The following RGS7BP variants were observed in gnomAD, a reference collection of about 807,000 sequenced individuals.
RGS7BP encodes regulator of G protein signaling 7-binding protein.
In RGS7BP, 9 loss-of-function variants were observed where a neutral mutation model predicts 31.3. The ratio of observed to expected loss-of-function variants is 0.29; its 90% CI spans 0.17 to 0.50. The LOEUF is 0.50. Ranked by LOEUF, RGS7BP falls within the 20% of genes least tolerant of loss-of-function variation. The pLI, the probability that RGS7BP is intolerant of heterozygous loss-of-function variation, is 0.98. For synonymous variants in RGS7BP, 115 were observed against 120.1 expected, an observed-to-expected ratio of 0.96 and a Z score of 0.28; for missense variants, 274 against 322.0, an observed-to-expected ratio of 0.85 and a Z score of 1.14.
At chr5:64,508,602 AAGTT>A (rs1278679238) in intron 2 of RGS7BP, among the ~76,000 whole-genome samples, 2 of 152,152 alleles carry the variant, frequency 1.3e-5, no homozygotes, top group East Asian at 3.8e-4. Flanking sequence ...ATTGGGGAAA[AAGTT>A]AGCCATGGAT....
rs117226985 is a variant in RGS7BP at position 64,516,350 on chromosome 5, T to C, written c.332+8473T>C. 1.7e-4 allele frequency among the ~76,000 whole-genome samples: 26 copies of C among 152,270 alleles called. No individual in the cohort carries two copies. In the East Asian group the frequency reaches 4.4e-3, roughly 26 times the overall value. ...ACCAAGTCCTGTAGTGCTTTATCTT[T>C]TTCAGTGTCTATTGTGTCCCTTCTT... On this transcript the variant is annotated intron_variant, in intron 2 of 5. Transcript: ENST00000334025.
intron 2 of RGS7BP, among the ~76,000 whole-genome samples, chr5:64,568,782 GTT>G (rs1554056553): frequency 2.9e-5 from 4 of 137,548 alleles, no homozygotes; most frequent in Admixed American, 7.1e-5. Context: ...GATGGTTATT[GTT>G]TTTTTTTTTT....
At chr5:64,601,464 G>T in intron 5 of RGS7BP, 1 of 981,530 alleles carries the variant, frequency 1.0e-6, no homozygotes, top group Non-Finnish European at 1.2e-6. Context: ...AAGAAAGGAA[G>T]GTGGCCAAGG....
intron 3 of RGS7BP, among the ~76,000 whole-genome samples, chr5:64,576,941 T>G (rs1249218695): frequency 6.6e-6 from 1 of 152,194 alleles, no homozygotes; most frequent in Non-Finnish European, 1.5e-5. Flanking sequence ...AGGTAATCCT[T>G]GCCTATGATT....
At chr5:64,586,341 C>T (rs1742751239) in intron 3 of RGS7BP, among the ~76,000 whole-genome samples, 1 of 152,118 alleles carries the variant, frequency 6.6e-6, no homozygotes, top group Admixed American at 6.6e-5. Context: ...CTGCCCTACC[C>T]CACTTGAATC....
At chr5:64,524,115 C>T (rs1437915348) in intron 2 of RGS7BP, among the ~76,000 whole-genome samples, 1 of 152,120 alleles carries the variant, frequency 6.6e-6, no homozygotes, top group African/African-American at 2.4e-5. Context: ...TGTAAGAGAA[C>T]ACTGTATATG....
intron 4 of RGS7BP, among the ~76,000 whole-genome samples, chr5:64,597,424 C>T (rs1743100998): frequency 6.6e-6 from 1 of 151,944 alleles, no homozygotes; most frequent in African/African-American, 2.4e-5. Flanking sequence ...TGTTTTCCCT[C>T]TTGTTCCCAT....
At chr5:64,590,915 C>G (rs781758100) in intron 3 of RGS7BP, among the ~76,000 whole-genome samples, 2 of 151,854 alleles carry the variant, frequency 1.3e-5, no homozygotes, top group Non-Finnish European at 2.9e-5. Context: ...TTCATTTGAG[C>G]TAAAAATTTA....
intron 5 of RGS7BP, chr5:64,601,526 C>A: frequency 1.4e-6 from 1 of 713,536 alleles, no homozygotes; most frequent in Non-Finnish European, 1.7e-6. Context: ...CCTTTTCTTT[C>A]CCGTCCATCC....
chr5:64,524,899 C>T (rs1356558412), intron 2 of RGS7BP, among the ~76,000 whole-genome samples: 2 of 152,180 alleles, frequency 1.3e-5, no homozygotes, highest in East Asian at 3.9e-4. Flanking sequence ...GCTCTGAAAG[C>T]TTGCAGTCCC....
At chr5:64,553,175 T>C (rs796092896) in intron 2 of RGS7BP, among the ~76,000 whole-genome samples, 7 of 144,730 alleles carry the variant, frequency 4.8e-5, no homozygotes, top group South Asian at 2.2e-4. Flanking sequence ...TTCTTTCTTT[T>C]TTTTTTTTTT....
At chr5:64,556,735 G>T (rs766125003) in intron 2 of RGS7BP, among the ~76,000 whole-genome samples, 1 of 151,744 alleles carries the variant, frequency 6.6e-6, no homozygotes, top group Non-Finnish European at 1.5e-5. Context: ...TGTAGACTGG[G>T]TGATTATTTT....
At chr5:64,559,502 G>T (rs1050363985) in intron 2 of RGS7BP, among the ~76,000 whole-genome samples, 1 of 152,128 alleles carries the variant, frequency 6.6e-6, no homozygotes, top group African/African-American at 2.4e-5. Context: ...TGGGGTGCTA[G>T]GTGCCTTCTC....
At chr5:64,547,614 C>A (rs191852611) in intron 2 of RGS7BP, among the ~76,000 whole-genome samples, 3 of 152,136 alleles carry the variant, frequency 2.0e-5, no homozygotes, top group African/African-American at 7.2e-5. Flanking sequence ...TTTAATTATC[C>A]ATTAAAGTTA....
At chr5:64,526,219 A>C (rs969584222) in intron 2 of RGS7BP, among the ~76,000 whole-genome samples, 2 of 152,186 alleles carry the variant, frequency 1.3e-5, no homozygotes, top group Non-Finnish European at 1.5e-5. Flanking sequence ...AAGGAAAAGG[A>C]GTTGGTCAGC....
At chr5:64,553,875 G>C (rs1156918526) in intron 2 of RGS7BP, among the ~76,000 whole-genome samples, 4 of 152,086 alleles carry the variant, frequency 2.6e-5, no homozygotes, top group Admixed American at 2.6e-4. Context: ...AATCTTCAGG[G>C]TCAAAAATGA....
intron 2 of RGS7BP, among the ~76,000 whole-genome samples, chr5:64,545,041 T>G (rs1466127119): frequency 6.6e-6 from 1 of 151,980 alleles, no homozygotes; most frequent in Admixed American, 6.6e-5. Context: ...CCGGGTGTGG[T>G]GGTGGGCACC....
intron 2 of RGS7BP, among the ~76,000 whole-genome samples, chr5:64,555,732 A>C (rs1006866982): frequency 6.6e-6 from 1 of 152,190 alleles, no homozygotes; most frequent in African/African-American, 2.4e-5. Flanking sequence ...GCACATGGTA[A>C]AACAAGAAAT....
chr5:64,537,549 T>C (rs183468822), intron 2 of RGS7BP, among the ~76,000 whole-genome samples: 6 of 152,138 alleles, frequency 3.9e-5, no homozygotes, highest in Admixed American at 3.9e-4. Flanking sequence ...GATGTTCACT[T>C]TGGGCTCTCT....
Sources: gnomAD v4.1 joint callset for allele counts (sites outside exome capture counted in the v4.1 genomes callset) on GRCh38, gnomAD v4.1.1 for gene constraint, MANE v1.5 for transcripts, NCBI Gene and HGNC (gene_info 2026-07-23, HGNC 2026-07-21) for gene names.